PCCA: variants seen among roughly 807,000 people sequenced by gnomAD.
PCCA encodes propionyl-CoA carboxylase subunit alpha, also known as propionyl-CoA carboxylase alpha chain, mitochondrial.
A neutral mutation model predicts 101.3 loss-of-function variants in PCCA; 74 were observed. The ratio of observed to expected loss-of-function variants is 0.73; its 90% CI spans 0.61 to 0.89. The LOEUF (loss-of-function observed/expected upper bound fraction) is 0.89, where lower values mean the gene tolerates loss of function less well. Ranked by LOEUF, PCCA falls within the 40% of genes least tolerant of loss-of-function variation. The pLI is 0.00. For synonymous variants in PCCA, 294 were observed against 313.6 expected (o/e 0.94, Z 0.66); for missense variants, 891 against 907.0 (o/e 0.98, Z 0.23).
intron 19 of PCCA, among the ~76,000 whole-genome samples, chr13:100,385,414 C>CAATATGAAA (rs2076444494): frequency 6.6e-6 from 1 of 152,042 alleles, no homozygotes; most frequent in Non-Finnish European, 1.5e-5. Context: ...ATATGCAGAA[C>CAATATGAAA]TCTTACAAAT....
intron 11 of PCCA, among the ~76,000 whole-genome samples, chr13:100,270,221 T>A (rs3902595): frequency 0.47 from 71,656 of 152,036 alleles, 16,972 homozygotes; most frequent in Middle Eastern, 0.54. Flanking sequence ...CTGAAGCTAA[T>A]TACTTGGTGT....
At chr13:100,525,037 A>ACAGG (rs1005293818) in intron 22 of PCCA, among the ~76,000 whole-genome samples, 3 of 152,134 alleles carry the variant, frequency 2.0e-5, no homozygotes, top group African/African-American at 4.8e-5. Context: ...AGACAGACAG[A>ACAGG]CAGGCAGATA....
intron 21 of PCCA, among the ~76,000 whole-genome samples, chr13:100,466,469 G>T (rs1194589934): frequency 2.6e-5 from 4 of 152,126 alleles, no homozygotes; most frequent in African/African-American, 9.7e-5. Flanking sequence ...ATTGTGAGGG[G>T]AACAGCTAAG....
chr13:100,355,198 G>GA (rs1428091613), intron 18 of PCCA, among the ~76,000 whole-genome samples: 1 of 151,080 alleles, frequency 6.6e-6, no homozygotes, highest in African/African-American at 2.4e-5. Flanking sequence ...TAGAATAAGA[G>GA]AAAAAAACCA....
At chr13:100,307,869 A>AT (rs2066581465) in intron 15 of PCCA, among the ~76,000 whole-genome samples, 2 of 151,978 alleles carry the variant, frequency 1.3e-5, no homozygotes, top group African/African-American at 2.4e-5. Flanking sequence ...TTTTATTATT[A>AT]TTTTTTTGAG....
chr13:100,424,005 CA>C, intron 19 of PCCA, among the ~76,000 whole-genome samples: 1 of 152,172 alleles, frequency 6.6e-6, no homozygotes, highest in East Asian at 1.9e-4. Flanking sequence ...ACAGTCGGCC[CA>C]TGGGCTCTGC....
At chr13:100,225,224 TC>T (rs764937603) in intron 7 of PCCA, among the ~76,000 whole-genome samples, 7 of 152,160 alleles carry the variant, frequency 4.6e-5, no homozygotes, top group Non-Finnish European at 7.3e-5. Flanking sequence ...GGAAGTGGAA[TC>T]CATGGGATTA....
At chr13:100,224,126 C>A (rs2059991268) in intron 7 of PCCA, among the ~76,000 whole-genome samples, 2 of 152,216 alleles carry the variant, frequency 1.3e-5, no homozygotes, top group Admixed American at 6.5e-5. Context: ...GAGGCTCTGG[C>A]CCCACAGGAG....
chr13:100,404,759 T>TA (rs2077573927), intron 19 of PCCA, among the ~76,000 whole-genome samples: 1 of 152,150 alleles, frequency 6.6e-6, no homozygotes, highest in South Asian at 2.1e-4. Context: ...CATCCACTCT[T>TA]ACCCACGTAA....
chr13:100,466,239 A>G (rs750558586), intron 21 of PCCA: 1 of 152,238 alleles, frequency 6.6e-6, no homozygotes, highest in Non-Finnish European at 1.5e-5. Context: ...ATCACTTCAC[A>G]GTGACATCTG....
chr13:100,147,609 A>G (rs1594364647), intron 4 of PCCA, among the ~76,000 whole-genome samples: 2 of 152,166 alleles, frequency 1.3e-5, no homozygotes, highest in African/African-American at 4.8e-5. Flanking sequence ...ATGCCTGTGT[A>G]TTTATGACTT....
intron 12 of PCCA, among the ~76,000 whole-genome samples, chr13:100,291,070 A>C (rs1488396371): frequency 6.6e-6 from 1 of 152,256 alleles, no homozygotes; most frequent in African/African-American, 2.4e-5. Flanking sequence ...ACAACAGTTT[A>C]CATAGCATTT....
At chr13:100,303,145 T>A (rs554768942) in intron 14 of PCCA, 147 bp downstream of exon 14, 1 of 705,618 alleles carries the variant, frequency 1.4e-6, no homozygotes, top group East Asian at 2.7e-5. Context: ...TGAAAACAAA[T>A]TTTTTTCAGT....
At chr13:100,192,255 C>T (rs916485595) in intron 6 of PCCA, among the ~76,000 whole-genome samples, 5 of 152,168 alleles carry the variant, frequency 3.3e-5, no homozygotes, top group Non-Finnish European at 7.3e-5. Flanking sequence ...TCTAATTCCT[C>T]TACCACAGTA....
chr13:100,259,205 C>G (rs1386801002), intron 9 of PCCA, among the ~76,000 whole-genome samples: 2 of 151,726 alleles, frequency 1.3e-5, no homozygotes, highest in African/African-American at 2.4e-5. Context: ...TTACTTTATT[C>G]CTTTATCCTA....
chr13:100,509,903 T>C (rs2152994572), intron 21 of PCCA, among the ~76,000 whole-genome samples: 1 of 152,262 alleles, frequency 6.6e-6, no homozygotes. Flanking sequence ...GAATTTGTTT[T>C]TGCCCTGTGG....
At chr13:100,108,853 C>T (rs1038343341) in intron 2 of PCCA, among the ~76,000 whole-genome samples, 1 of 152,178 alleles carries the variant, frequency 6.6e-6, no homozygotes, top group African/African-American at 2.4e-5. Context: ...ACTTGGGTGT[C>T]TCTTCAGTGT....
chr13:100,151,022 A>G, intron 4 of PCCA: 4 of 1,546,434 alleles, frequency 2.6e-6, no homozygotes, highest in Non-Finnish European at 2.7e-6. Context: ...CCAGCAGCGG[A>G]CCCTCAGAAG....
intron 1 of PCCA, among the ~76,000 whole-genome samples, chr13:100,096,379 A>G (rs1490638794): frequency 6.6e-6 from 1 of 152,186 alleles, no homozygotes; most frequent in Non-Finnish European, 1.5e-5. Context: ...GAGAAACATA[A>G]TTGATAAATG....
Sources: gnomAD v4.1 joint callset for allele counts (sites outside exome capture counted in the v4.1 genomes callset) on GRCh38, gnomAD v4.1.1 for gene constraint, MANE v1.5 for transcripts, NCBI Gene and HGNC (gene_info 2026-07-23, HGNC 2026-07-21) for gene names.